Variants in ARHGEF3 observed in about 807,000 individuals in gnomAD.
ARHGEF3 encodes the protein Rho guanine nucleotide exchange factor 3.
ARHGEF3 carries 28 observed loss-of-function variants against 63.2 expected under a neutral mutation model. That is an observed-to-expected ratio of 0.44 (90% CI 0.33 to 0.61). The LOEUF (loss-of-function observed/expected upper bound fraction) is 0.61. Ranked by LOEUF, ARHGEF3 falls within the 20% of genes least tolerant of loss-of-function variation. The pLI is 0.03. For missense variants in ARHGEF3, 533 were observed against 659.3 expected (o/e 0.81, Z 2.10); for synonymous variants, 266 against 254.2 (o/e 1.05, Z -0.44).
intron 2 of ARHGEF3, among the ~76,000 whole-genome samples, chr3:56,767,310 C>T (rs146949352): frequency 0.013 from 1,890 of 149,708 alleles, 72 homozygotes; most frequent in East Asian, 0.12. Flanking sequence ...CGGCCGGGCG[C>T]GGTGGCTCAC....
rs747886010 is a variant in ARHGEF3 at position 57,002,498 on chromosome 3, T to TATATA, written c.62+32589_62+32590insTATAT. Among the ~76,000 whole-genome samples the TATATA allele has an allele frequency of 7.4e-4, 10 of 13,502 alleles. 1 individual carries two copies. Among genetic ancestry groups the TATATA allele is most frequent in the South Asian group, 3.0e-3 (1 of 330 alleles). 8.9% of individuals were successfully genotyped at this position (13,502 alleles called of 152,430 possible). On this transcript the variant is annotated intron_variant, in intron 2 of 12. Coordinates refer to the ARHGEF3 transcript ENST00000338458. ...TATATGTTATATATATATATATATG[T>TATATA]TATATATATATATATGTTATATATG...
intron 2 of ARHGEF3, among the ~76,000 whole-genome samples, chr3:56,995,917 C>T (rs940878995): frequency 6.6e-6 from 1 of 152,084 alleles, no homozygotes; most frequent in Non-Finnish European, 1.5e-5. Flanking sequence ...CATATTAATT[C>T]CCATCAACCA....
At chr3:56,994,759 T>C (rs1256546025) in intron 2 of ARHGEF3, among the ~76,000 whole-genome samples, 1 of 151,768 alleles carries the variant, frequency 6.6e-6, no homozygotes, top group African/African-American at 2.4e-5. Flanking sequence ...AAATACAAGA[T>C]GCGGCAGGAA....
At chr3:56,833,918 T>C (rs28542544) in intron 4 of ARHGEF3, among the ~76,000 whole-genome samples, 67,938 of 147,020 alleles carry the variant, frequency 0.46, 15,940 homozygotes, top group South Asian at 0.62. Flanking sequence ...TTCTTTGTTT[T>C]CCCCCCCCAA....
At chr3:56,971,814 A>C (rs1700924421) in intron 2 of ARHGEF3, among the ~76,000 whole-genome samples, 1 of 152,002 alleles carries the variant, frequency 6.6e-6, no homozygotes, top group East Asian at 1.9e-4. Flanking sequence ...AGATGGTGCC[A>C]CTGAACTCCA....
chr3:57,050,496 G>A (rs569223168), intron 1 of ARHGEF3, among the ~76,000 whole-genome samples: 1 of 152,288 alleles, frequency 6.6e-6, no homozygotes, highest in Non-Finnish European at 1.5e-5. Context: ...TAAAGAAAGA[G>A]AGAAAGAGAG....
chr3:56,749,555 C>G (rs1248619270), intron 6 of ARHGEF3, among the ~76,000 whole-genome samples: 1 of 152,200 alleles, frequency 6.6e-6, no homozygotes, highest in East Asian at 1.9e-4. Flanking sequence ...GTTTAAGAGA[C>G]ACTGAGGCAC....
At chr3:57,041,211 C>G (rs1240434179) in intron 1 of ARHGEF3, among the ~76,000 whole-genome samples, 8 of 152,168 alleles carry the variant, frequency 5.3e-5, no homozygotes, top group Non-Finnish European at 8.8e-5. Context: ...ATAACTCCTA[C>G]TAATAGCAAC....
rs758207905 is a variant in ARHGEF3 at position 56,727,950 on chromosome 3, T to C, written c.*1320A>G. The C allele has an allele frequency of 6.6e-6, 1 of 152,638 alleles. No homozygotes were observed. The highest frequency in any genetic ancestry group is 1.5e-5 in the Non-Finnish European group (1 of 68,044). The allele number at this position is 152,638 out of a possible 1,614,324, so 9.5% of individuals were successfully genotyped here. A position where few individuals can be genotyped will look rare whatever the true frequency, so the allele number is the denominator to read the frequency against. ...ACTTGAAAGACAGATTAAAAAAAAC[T>C]TTTTGGCAATAATTTAGAATAATTA... is the stretch of plus-strand genomic sequence containing the variant. On this transcript the variant is annotated 3_prime_UTR_variant, in exon 10 of 10. Coordinates refer to ENST00000296315, the MANE Select transcript of ARHGEF3 (RefSeq NM_019555.3).
intron 4 of ARHGEF3, among the ~76,000 whole-genome samples, chr3:56,815,608 A>G (rs2038240716): frequency 6.6e-6 from 1 of 152,254 alleles, no homozygotes; most frequent in Non-Finnish European, 1.5e-5. Context: ...AAGATCAACT[A>G]TGAGAAAAGA....
chr3:56,786,289 T>A (rs2036804313), intron 1 of ARHGEF3, among the ~76,000 whole-genome samples: 1 of 152,214 alleles, frequency 6.6e-6, no homozygotes, highest in Non-Finnish European at 1.5e-5. Context: ...TCAGCTGACA[T>A]CTTACCACTC....
chr3:56,923,175 C>A (rs1295095917), intron 3 of ARHGEF3, among the ~76,000 whole-genome samples: 2 of 150,478 alleles, frequency 1.3e-5, no homozygotes, highest in Non-Finnish European at 2.9e-5. Flanking sequence ...TTGCAGTGAG[C>A]CAAGATCGTG....
intron 2 of ARHGEF3, among the ~76,000 whole-genome samples, chr3:56,972,138 C>T (rs1276409234): frequency 6.6e-6 from 1 of 152,060 alleles, no homozygotes; most frequent in African/African-American, 2.4e-5. Context: ...CAATTCAGGC[C>T]ACCACAGGGA....
chr3:56,770,191 T>A (rs2035928878), intron 2 of ARHGEF3, among the ~76,000 whole-genome samples: 1 of 152,078 alleles, frequency 6.6e-6, no homozygotes, highest in South Asian at 2.1e-4. Flanking sequence ...GCTGGCGGAT[T>A]ACCTAAGGTC....
intron 4 of ARHGEF3, among the ~76,000 whole-genome samples, chr3:56,836,797 C>T (rs907513751): frequency 5.3e-5 from 8 of 152,098 alleles, no homozygotes; most frequent in Non-Finnish European, 1.2e-4. Context: ...TATGGTGGTG[C>T]ATGCCTGTAG....
intron 4 of ARHGEF3, among the ~76,000 whole-genome samples, chr3:56,871,142 T>C (rs2040420387): frequency 1.3e-5 from 2 of 152,162 alleles, no homozygotes. Flanking sequence ...ATCTCTGCTG[T>C]TTGATTTTTA....
chr3:56,864,706 A>G (rs115877248), intron 4 of ARHGEF3, among the ~76,000 whole-genome samples: 1,803 of 152,284 alleles, frequency 0.012, 43 homozygotes, highest in African/African-American at 0.041. Flanking sequence ...AGAATAAAAG[A>G]ATACATGTAA....
chr3:57,073,405 G>A (rs1050750216), intron 1 of ARHGEF3: 11 of 347,266 alleles, frequency 3.2e-5, no homozygotes, highest in Non-Finnish European at 5.7e-5. Context: ...ACTGGAGTTG[G>A]GCAGCGTGGG....
At chr3:56,829,250 A>G (rs1250484634) in intron 4 of ARHGEF3, among the ~76,000 whole-genome samples, 2 of 152,048 alleles carry the variant, frequency 1.3e-5, no homozygotes, top group African/African-American at 2.4e-5. Context: ...ATATTGTACA[A>G]TTGCCCTCCA....
Sources: gnomAD v4.1 joint callset for allele counts (sites outside exome capture counted in the v4.1 genomes callset) on GRCh38, gnomAD v4.1.1 for gene constraint, MANE v1.5 for transcripts, NCBI Gene and HGNC (gene_info 2026-07-23, HGNC 2026-07-21) for gene names.